Variants in TRAK1 observed in about 807,000 individuals in gnomAD.
TRAK1 encodes the protein trafficking kinesin-binding protein 1.
In TRAK1, 33 loss-of-function variants were observed where a neutral mutation model predicts 92.1. That is an observed-to-expected ratio of 0.36 (90% CI 0.27 to 0.48). The LOEUF (loss-of-function observed/expected upper bound fraction) is 0.48, where lower values mean the gene tolerates loss of function less well. TRAK1 is among the 20% of genes least tolerant of loss of function. TRAK1 has a pLI of 0.99. For missense variants in TRAK1, 1,123 were observed against 1,257.9 expected (o/e 0.89, Z 1.62); for synonymous variants, 521 against 517.3 (o/e 1.01, Z -0.10).
chr3:42,095,492 G>A (rs1705772798), intron 1 of TRAK1, among the ~76,000 whole-genome samples: 1 of 152,120 alleles, frequency 6.6e-6, no homozygotes, highest in Admixed American at 6.6e-5. Flanking sequence ...TATAGTCAGT[G>A]CAGAGCAGCT....
At chr3:42,073,211 G>T (rs1417089184) in intron 1 of TRAK1, among the ~76,000 whole-genome samples, 1 of 152,178 alleles carries the variant, frequency 6.6e-6, no homozygotes. Flanking sequence ...TTCACAAGAG[G>T]CTCTGGCAGT....
chr3:42,197,000 T>TCACACACACACACA (rs60649090), intron 10 of TRAK1, among the ~76,000 whole-genome samples: 13 of 131,078 alleles, frequency 9.9e-5, no homozygotes, highest in African/African-American at 3.8e-4. Flanking sequence ...TCTCTCTCTC[T>TCACACACACACACA]CTCACACACA....
chr3:42,050,996 A>G (rs1240521383), intron 1 of TRAK1, among the ~76,000 whole-genome samples: 2 of 152,176 alleles, frequency 1.3e-5, no homozygotes, highest in Non-Finnish European at 2.9e-5. Flanking sequence ...TTATGTGCAG[A>G]AGAGCTCACA....
intron 1 of TRAK1, among the ~76,000 whole-genome samples, chr3:42,062,235 A>T (rs1050345105): frequency 1.8e-4 from 28 of 151,794 alleles, no homozygotes; most frequent in Admixed American, 9.2e-4. Context: ...TGAAACTCTC[A>T]ATCTCTTGGT....
At chr3:42,120,379 A>G (rs1332187802) in intron 1 of TRAK1, among the ~76,000 whole-genome samples, 2 of 151,786 alleles carry the variant, frequency 1.3e-5, no homozygotes, top group African/African-American at 4.8e-5. Context: ...AACTGTGGGG[A>G]AATGGTGACC....
At position 42,202,329 on chromosome 3, in the gene TRAK1, A is replaced by T; in HGVS notation, c.1428-107A>T. On this transcript the variant is annotated intron_variant, in intron 12 of 15. Transcript: ENST00000327628. The surrounding 1 kb of genome is among the most constrained non-coding windows in gnomAD (Gnocchi z 6.1). ...ACTGCTTGCCTTGGTTCCCATGGAGAATCCTGTAGCCCCAGGGAACGTCCA... is the reference window on the plus strand; with the variant it reads ...ACTGCTTGCCTTGGTTCCCATGGAGTATCCTGTAGCCCCAGGGAACGTCCA... 2.5e-6 allele frequency: 3 copies of T among 1,204,400 alleles called. No homozygotes were observed. The highest frequency in any genetic ancestry group is 5.6e-5 in the East Asian group (2 of 35,418). The allele number at this position is 1,204,400 out of a possible 1,614,324, so 74.6% of individuals were successfully genotyped here.
chr3:42,013,601 T>C (rs958100498), upstream of TRAK1, among the ~76,000 whole-genome samples: 1 of 140,612 alleles, frequency 7.1e-6, no homozygotes, highest in South Asian at 2.6e-4. This position sits in a 1 kb window ranked among gnomAD's most constrained non-coding sequence, Gnocchi z 5.1. Flanking sequence ...TCGGCGCGCG[T>C]CGGGCGGTGA....
chr3:42,050,149 G>GCTTT (rs565398170), intron 1 of TRAK1, among the ~76,000 whole-genome samples: 269 of 150,386 alleles, frequency 1.8e-3, no homozygotes, highest in Non-Finnish European at 3.2e-3. Flanking sequence ...GGCTGATGAT[G>GCTTT]CTTTGTCAGT....
intron 1 of TRAK1, among the ~76,000 whole-genome samples, chr3:42,032,939 C>G (rs1353908623): frequency 2.0e-5 from 3 of 152,180 alleles, no homozygotes; most frequent in Non-Finnish European, 2.9e-5. Flanking sequence ...AAACAAACCA[C>G]TGACTGGCTT....
intron 1 of TRAK1, among the ~76,000 whole-genome samples, chr3:42,056,811 T>C (rs1703222538): frequency 6.6e-6 from 1 of 152,234 alleles, no homozygotes; most frequent in Non-Finnish European, 1.5e-5. Flanking sequence ...CAGTCCTTTT[T>C]TCTGCCCCGA....
chr3:42,075,054 G>A (rs1270590320), intron 1 of TRAK1, among the ~76,000 whole-genome samples: 1 of 152,034 alleles, frequency 6.6e-6, no homozygotes, highest in African/African-American at 2.4e-5. Flanking sequence ...TTTTATGGCT[G>A]CGTAGCATTC....
In TRAK1 at chr3:42,145,740, T is replaced by C. The variant is rs372500810; in HGVS notation, c.286+20126T>C. 40 of 175,654 alleles carry C rather than the reference T, an allele frequency of 2.3e-4. No homozygotes were observed. In the South Asian group the frequency reaches 2.5e-3, roughly 11 times the overall value. The allele number at this position is 175,654 out of a possible 1,614,324, so 10.9% of individuals were successfully genotyped here. ...AAAACCATCAATCATCTCAAGACAA[T>C]GAATATTGCATATTGTACTGAACAA... is the stretch of plus-strand genomic sequence containing the variant. On this transcript the variant is annotated intron_variant, in intron 2 of 15. Coordinates refer to ENST00000327628, the MANE Select transcript of TRAK1 (RefSeq NM_001042646.3).
At chr3:42,057,497 C>G (rs372899559) in intron 1 of TRAK1, among the ~76,000 whole-genome samples, 1 of 152,128 alleles carries the variant, frequency 6.6e-6, no homozygotes, top group Non-Finnish European at 1.5e-5. Context: ...GTTGAGGAGG[C>G]GTCCAGTGGG....
chr3:42,103,223 G>A (rs1412840181), intron 1 of TRAK1, among the ~76,000 whole-genome samples: 4 of 151,996 alleles, frequency 2.6e-5, no homozygotes, highest in East Asian at 1.9e-4. Context: ...GCTGAAGTGC[G>A]GTGGCGTGAT....
intron 1 of TRAK1, among the ~76,000 whole-genome samples, chr3:42,051,029 T>A (rs995536627): frequency 3.3e-5 from 5 of 152,250 alleles, no homozygotes; most frequent in African/African-American, 7.2e-5. Context: ...TTCTTAAAAA[T>A]TTTAAATTTT....
intron 1 of TRAK1, among the ~76,000 whole-genome samples, chr3:42,098,595 G>A (rs552719558): frequency 6.6e-6 from 1 of 152,308 alleles, no homozygotes; most frequent in African/African-American, 2.4e-5. Flanking sequence ...GAGAGCTCCA[G>A]CCAGCTCACC....
At chr3:42,118,765 C>T (rs563680382) in intron 1 of TRAK1, among the ~76,000 whole-genome samples, 3 of 152,254 alleles carry the variant, frequency 2.0e-5, no homozygotes, top group Admixed American at 1.3e-4. Context: ...AGGGTTATAC[C>T]TCTGAAGAGG....
At chr3:42,078,971 A>T (rs921782219) in intron 1 of TRAK1, among the ~76,000 whole-genome samples, 2 of 152,130 alleles carry the variant, frequency 1.3e-5, no homozygotes, top group African/African-American at 4.8e-5. Context: ...GGCCAGCAGG[A>T]AACAGGGACT....
At position 42,016,663 on chromosome 3, in the gene TRAK1, C is replaced by A. The variant is rs76630152; in HGVS notation, c.-519+2546C>A. Among the ~76,000 whole-genome samples, 1,235 of 152,258 alleles carry A rather than the reference C, an allele frequency of 8.1e-3. 51 individuals carry two copies. The East Asian group carries it at 0.13, about 16-fold the overall frequency. Reference sequence around the variant, plus strand: ...GGGCATTCTCCTCTCCGTCAGCTGTCGGAGTTTTTATAGATGCGATTGTTC... The same window carrying A: ...GGGCATTCTCCTCTCCGTCAGCTGTAGGAGTTTTTATAGATGCGATTGTTC... On this transcript the variant is annotated intron_variant, in intron 1 of 16. Transcript: ENST00000487159.
Sources: allele counts gnomAD v4.1 joint callset (sites outside exome capture counted in the v4.1 genomes callset), GRCh38; gene constraint gnomAD v4.1.1; non-coding constraint Gnocchi (gnomAD v3.1); transcripts MANE v1.5; gene names NCBI Gene and HGNC (gene_info 2026-07-23, HGNC 2026-07-21).